RBFOX1: variants seen among roughly 807,000 people sequenced by gnomAD.
RBFOX1 encodes RNA binding protein fox-1 homolog 1.
In RBFOX1, 8 loss-of-function variants were observed where a neutral mutation model predicts 57.7. The observed-to-expected ratio is 0.14, with a 90% confidence interval of 0.08 to 0.25. RBFOX1 has a LOEUF of 0.25. Ranked by LOEUF, RBFOX1 falls within the 10% of genes least tolerant of loss-of-function variation. The pLI is 1.00. For missense variants in RBFOX1, 611 were observed against 548.5 expected, an observed-to-expected ratio of 1.11 and a Z score of -1.14; for synonymous variants, 326 against 222.4, an observed-to-expected ratio of 1.47 and a Z score of -4.15.
intron 14 of RBFOX1, among the ~76,000 whole-genome samples, chr16:7,696,283 G>T (rs750308752): frequency 3.3e-5 from 5 of 152,156 alleles, no homozygotes; most frequent in African/African-American, 7.2e-5. Flanking sequence ...TTTTATAACA[G>T]GGCAGGACAC....
chr16:5,465,731 A>G (rs1261747342), intron 1 of RBFOX1, among the ~76,000 whole-genome samples: 2 of 152,202 alleles, frequency 1.3e-5, no homozygotes, highest in Non-Finnish European at 2.9e-5. Flanking sequence ...CCTTCAGTGG[A>G]TGTTTTTCCA....
At chr16:5,975,221 C>T (rs981077462) in intron 4 of RBFOX1, among the ~76,000 whole-genome samples, 1 of 152,160 alleles carries the variant, frequency 6.6e-6, no homozygotes, top group African/African-American at 2.4e-5. Context: ...TGGGATGGCC[C>T]TGATAAATCG....
At position 5,320,529 on chromosome 16, in the gene RBFOX1, A is replaced by G. The variant is rs1008657520; in HGVS notation, c.219+80424A>G. On this transcript the variant is annotated intron_variant, in intron 1 of 2. Transcript: ENST00000585867. ...TAGAAGGCTCCGGAGTCTCCATAAA[A>G]TTCATCAAGTCTCACAGACACAGAG... 1.5e-4 allele frequency among the ~76,000 whole-genome samples: 23 copies of G among 152,210 alleles called. 1 individual carries two copies. The highest frequency in any genetic ancestry group is 2.5e-4 in the Non-Finnish European group (17 of 68,042).
chr16:6,453,717 A>T (rs1312730842), intron 2 of RBFOX1, among the ~76,000 whole-genome samples: 2 of 152,178 alleles, frequency 1.3e-5, no homozygotes, highest in African/African-American at 4.8e-5. Context: ...TATTGGTTTC[A>T]CTGGTGTTGT....
chr16:7,669,763 T>C (rs1402975304), intron 13 of RBFOX1, among the ~76,000 whole-genome samples: 1 of 152,190 alleles, frequency 6.6e-6, no homozygotes, highest in African/African-American at 2.4e-5. Context: ...TTTGGGAACA[T>C]GTAAAGCTGG....
At chr16:6,725,124 C>G (rs1023190184) in intron 3 of RBFOX1, among the ~76,000 whole-genome samples, 3 of 140,034 alleles carry the variant, frequency 2.1e-5, no homozygotes, top group African/African-American at 7.9e-5. Flanking sequence ...GATCTCGGCT[C>G]ACTGCAAGCT....
chr16:5,569,071 C>T (rs62016862), intron 2 of RBFOX1, among the ~76,000 whole-genome samples: 1,871 of 150,306 alleles, frequency 0.012, 27 homozygotes, highest in Non-Finnish European at 0.02. Flanking sequence ...AGGTTGGTCT[C>T]GAACTCCTGA....
chr16:6,061,516 C>T (rs1427257168), intron 1 of RBFOX1, among the ~76,000 whole-genome samples: 3 of 151,082 alleles, frequency 2.0e-5, no homozygotes, highest in Admixed American at 2.0e-4. Flanking sequence ...TATATTGTTA[C>T]AAATATCTGA....
Position 6,296,093 on chromosome 16 carries a change from C to T in RBFOX1, c.-126-20902C>T, listed in dbSNP as rs1275842333. On this transcript the variant is annotated intron_variant, in intron 1 of 15. Transcript: ENST00000550418. ...TTCAGCCGTACAAGCAGTTGTTCTT[C>T]TCACAGACATTTATCGAGCATTTTG... 3.9e-5 allele frequency among the ~76,000 whole-genome samples: 6 copies of T among 152,332 alleles called. No individual in the cohort carries two copies. In the East Asian group the frequency reaches 1.2e-3, roughly 29 times the overall value.
At chr16:5,972,215 ACCCT>A (rs553748361) in intron 4 of RBFOX1, among the ~76,000 whole-genome samples, 1 of 151,692 alleles carries the variant, frequency 6.6e-6, no homozygotes. Flanking sequence ...ACACACACAC[ACCCT>A]CCCTCCCTCC....
At chr16:6,840,216 G>T (rs1012201849) in intron 3 of RBFOX1, among the ~76,000 whole-genome samples, 1 of 152,148 alleles carries the variant, frequency 6.6e-6, no homozygotes, top group Admixed American at 6.5e-5. Context: ...AGACTAAAAA[G>T]AGGTCTTTCT....
intron 2 of RBFOX1, among the ~76,000 whole-genome samples, chr16:6,424,904 C>T (rs534281077): frequency 4.6e-5 from 7 of 152,018 alleles, no homozygotes; most frequent in Non-Finnish European, 7.4e-5. Flanking sequence ...GTTTTACTTT[C>T]GTTTTGAAAA....
intron 3 of RBFOX1, among the ~76,000 whole-genome samples, chr16:6,958,238 G>A (rs1259250154): frequency 6.6e-6 from 1 of 152,190 alleles, no homozygotes; most frequent in Admixed American, 6.5e-5. Context: ...GCTGAGCCCT[G>A]CACGATGCAG....
chr16:7,643,194 G>A (rs1398418916), intron 11 of RBFOX1, among the ~76,000 whole-genome samples: 1 of 152,182 alleles, frequency 6.6e-6, no homozygotes, highest in Non-Finnish European at 1.5e-5. Flanking sequence ...ATATTCATGT[G>A]TGTGAATGGT....
chr16:7,710,091 G>A (rs1356868964), intron 15 of RBFOX1: 23 of 1,001,178 alleles, frequency 2.3e-5, no homozygotes, highest in Admixed American at 6.0e-5. Context: ...GCATTGTTTT[G>A]CACAAGCTTA....
At chr16:5,272,840 C>T (rs2063048303) in intron 1 of RBFOX1, among the ~76,000 whole-genome samples, 1 of 152,206 alleles carries the variant, frequency 6.6e-6, no homozygotes, top group African/African-American at 2.4e-5. Context: ...CTCTTCTCTG[C>T]AACGAATCCC....
intron 2 of RBFOX1, among the ~76,000 whole-genome samples, chr16:6,380,764 C>T (rs2091731951): frequency 6.6e-6 from 1 of 152,084 alleles, no homozygotes; most frequent in African/African-American, 2.4e-5. Flanking sequence ...AACACATAAT[C>T]AATTTGGATA....
intron 1 of RBFOX1, among the ~76,000 whole-genome samples, chr16:6,083,468 C>A (rs1034625745): frequency 6.6e-6 from 1 of 151,700 alleles, no homozygotes; most frequent in Non-Finnish European, 1.5e-5. Context: ...TCTCTTTGGT[C>A]CATTTTTGGT....
chr16:5,872,083 T>C (rs1567653469), intron 4 of RBFOX1, among the ~76,000 whole-genome samples: 1 of 152,134 alleles, frequency 6.6e-6, no homozygotes. Flanking sequence ...GGAAAATAAA[T>C]TGGGGGTTGC....
Sources: allele counts gnomAD v4.1 joint callset (sites outside exome capture counted in the v4.1 genomes callset), GRCh38; gene constraint gnomAD v4.1.1; transcripts MANE v1.5; gene names NCBI Gene and HGNC (gene_info 2026-07-23, HGNC 2026-07-21).